The following PSMA8 variants were observed in gnomAD, a reference collection of about 807,000 sequenced individuals.
PSMA8 encodes proteasome 20S subunit alpha 8, also known as proteasome subunit alpha-type 8.
Under a neutral mutation model 32.4 loss-of-function variants are expected in PSMA8, and 18 were observed. That is an observed-to-expected ratio of 0.56 (90% confidence interval 0.38 to 0.82). The LOEUF (loss-of-function observed/expected upper bound fraction) is 0.82. Among genes scored for constraint, PSMA8 ranks in the 40% least tolerant of loss-of-function variants. The pLI, the probability that PSMA8 is intolerant of heterozygous loss-of-function variation, is 0.00. For synonymous variants in PSMA8, 104 were observed against 98.1 expected (o/e 1.06, Z -0.36); for missense variants, 298 against 300.7 (o/e 0.99, Z 0.07).
intron 4 of PSMA8, among the ~76,000 whole-genome samples, chr18:26,176,610 C>T (rs1482258584): frequency 6.6e-6 from 1 of 152,074 alleles, no homozygotes; most frequent in African/African-American, 2.4e-5. Flanking sequence ...CCTAAAATCT[C>T]CTTTGAGATC....
At chr18:26,158,035 G>A (rs2055104180) in intron 3 of PSMA8, 87 bp from the exon 4 acceptor site, 3 of 837,878 alleles carry the variant, frequency 3.6e-6, no homozygotes, top group Non-Finnish European at 5.5e-6. Context: ...TTAGGGAAGT[G>A]GATCATTTGG....
intron 4 of PSMA8, among the ~76,000 whole-genome samples, chr18:26,164,820 G>A (rs1242362261): frequency 6.6e-6 from 1 of 152,146 alleles, no homozygotes; most frequent in African/African-American, 2.4e-5. Context: ...AAATTTTCGG[G>A]ATGTGATTAT....
At chr18:26,151,310 A>G (rs1029306757) in intron 2 of PSMA8, among the ~76,000 whole-genome samples, 1 of 152,232 alleles carries the variant, frequency 6.6e-6, no homozygotes, top group Non-Finnish European at 1.5e-5. Flanking sequence ...AAAGTTTAAT[A>G]GAAATGTTTG....
chr18:26,138,795 A>G (rs1302129459), intron 1 of PSMA8, among the ~76,000 whole-genome samples: 2 of 152,220 alleles, frequency 1.3e-5, no homozygotes, highest in Non-Finnish European at 2.9e-5. Flanking sequence ...ATTAAGCAGT[A>G]TACTTGTTAC....
At chr18:26,167,025 A>C (rs1373646893) in intron 4 of PSMA8, among the ~76,000 whole-genome samples, 1 of 152,196 alleles carries the variant, frequency 6.6e-6, no homozygotes, top group Non-Finnish European at 1.5e-5. Context: ...ATCTTGCAAA[A>C]TAAAATACCT....
At chr18:26,157,756 G>A (rs1480741355) in intron 3 of PSMA8, among the ~76,000 whole-genome samples, 3 of 152,104 alleles carry the variant, frequency 2.0e-5, no homozygotes, top group African/African-American at 4.8e-5. Context: ...GGTAAGCCGA[G>A]GACATGTTTC....
chr18:26,143,692 G>C (rs1189079921), intron 1 of PSMA8, among the ~76,000 whole-genome samples: 6 of 151,878 alleles, frequency 4.0e-5, no homozygotes, highest in Non-Finnish European at 4.4e-5. Context: ...GTCACTCATG[G>C]ATTCACCAAA....
Position 26,187,340 on chromosome 18 carries a change from C to A in PSMA8, c.661-4979C>A, listed in dbSNP as rs137981512. 6.9e-4 allele frequency among the ~76,000 whole-genome samples: 105 copies of A among 152,136 alleles called. No individual in the cohort carries two copies. In the East Asian group the frequency reaches 0.014, roughly 20 times the overall value. ...CCAGCCTGGGCGACAGAGCAAGAGT[C>A]TGCTTCAAAAAAAGTGAGGTCTGAG... On this transcript the variant is annotated intron_variant, in intron 6 of 6. Transcript: ENST00000415576.
intron 4 of PSMA8, among the ~76,000 whole-genome samples, chr18:26,165,299 T>C (rs924237931): frequency 6.6e-6 from 1 of 152,342 alleles, no homozygotes; most frequent in South Asian, 2.1e-4. Flanking sequence ...AATGTGTGTG[T>C]ATGCGTGCGC....
At chr18:26,139,593 C>T (rs1279279825) in intron 1 of PSMA8, among the ~76,000 whole-genome samples, 1 of 152,112 alleles carries the variant, frequency 6.6e-6, no homozygotes, top group Non-Finnish European at 1.5e-5. Flanking sequence ...CTGTTAAAAA[C>T]CTATATTGAA....
intron 4 of PSMA8, among the ~76,000 whole-genome samples, chr18:26,161,709 A>G (rs1227313678): frequency 6.6e-6 from 1 of 152,170 alleles, no homozygotes; most frequent in East Asian, 1.9e-4. Context: ...GCAAATAGCC[A>G]CTGCACTGCA....
rs367793980 is a variant in PSMA8 at position 26,187,886 on chromosome 18, A to T, written c.661-4433A>T. 1.8e-4 allele frequency among the ~76,000 whole-genome samples: 28 copies of T among 152,342 alleles called. No homozygotes were observed. In the East Asian group the frequency reaches 4.6e-3, roughly 25 times the overall value. On this transcript the variant is annotated intron_variant, in intron 6 of 6. Transcript: ENST00000415576. ...AGCATTGGACAGATCTTCCAGACAG[A>T]AAATCAGCAAAGAAACATCAGACTT...
intron 6 of PSMA8, among the ~76,000 whole-genome samples, chr18:26,179,518 G>A (rs1038126822): frequency 5.3e-5 from 8 of 152,082 alleles, no homozygotes; most frequent in Admixed American, 3.9e-4. Flanking sequence ...TACGTAGCAC[G>A]ATAACCTTTC....
At position 26,136,295 on chromosome 18, in the gene PSMA8, A is replaced by G. The variant is rs547303620; in HGVS notation, c.102+2228A>G. On this transcript the variant is annotated intron_variant, in intron 1 of 6. Transcript: ENST00000415576. ...TAGGGAAAAGAAATGAATCCTTCAC[A>G]ATATTCCCATGAAAACGATAAGATT... 2.6e-5 allele frequency among the ~76,000 whole-genome samples: 4 copies of G among 152,314 alleles called. No homozygotes were observed. The South Asian group carries it at 8.3e-4, about 32-fold the overall frequency.
chr18:26,165,873 A>G (rs1319653131), intron 4 of PSMA8, among the ~76,000 whole-genome samples: 1 of 152,112 alleles, frequency 6.6e-6, no homozygotes, highest in Non-Finnish European at 1.5e-5. Context: ...AGGCAGGTGG[A>G]TCACCTGAGG....
intron 1 of PSMA8, among the ~76,000 whole-genome samples, chr18:26,135,343 G>A (rs1474717068): frequency 1.3e-5 from 2 of 152,044 alleles, no homozygotes; most frequent in Admixed American, 1.3e-4. Flanking sequence ...TGAGACAGTA[G>A]CTATGAGAAT....
chr18:26,174,746 C>T (rs2144337125), intron 4 of PSMA8, among the ~76,000 whole-genome samples: 1 of 152,284 alleles, frequency 6.6e-6, no homozygotes, highest in East Asian at 1.9e-4. Flanking sequence ...CATTTCTTTT[C>T]ATGTTAACAG....
rs143885874 is a variant in PSMA8, at chr18:26,146,878, G to A, written c.229+2193G>A. 5.3e-3 allele frequency among the ~76,000 whole-genome samples: 803 copies of A among 152,258 alleles called. 6 individuals are homozygous for A. The highest frequency in any genetic ancestry group is 0.018 in the African/African-American group (753 of 41,546). ...AGATATTTAATTGGTTCACAGTTCC[G>A]TAGGCTGTACAGGAAGCATAGCAGC... On this transcript the variant is annotated intron_variant, in intron 2 of 6. Coordinates refer to ENST00000415576, the MANE Select transcript of PSMA8 (RefSeq NM_001025096.2).
At chr18:26,167,935 A>G (rs2055193502) in intron 4 of PSMA8, among the ~76,000 whole-genome samples, 1 of 102,530 alleles carries the variant, frequency 9.8e-6, no homozygotes. Flanking sequence ...GGTTAAGTAC[A>G]ATTAAATGGC....
Sources: allele counts gnomAD v4.1 joint callset (sites outside exome capture counted in the v4.1 genomes callset), GRCh38; gene constraint gnomAD v4.1.1; transcripts MANE v1.5; gene names NCBI Gene and HGNC (gene_info 2026-07-23, HGNC 2026-07-21).